Variants in PDE11A observed in about 807,000 individuals in gnomAD.
PDE11A encodes phosphodiesterase 11A, also known as dual 3',5'-cyclic-AMP and -GMP phosphodiesterase 11A.
Under a neutral mutation model 100.5 loss-of-function variants are expected in PDE11A, and 100 were observed. The ratio of observed to expected loss-of-function variants is 1.00; its 90% CI spans 0.85 to 1.18. PDE11A has a LOEUF of 1.18. PDE11A is among the 50% of genes most tolerant of loss of function. The pLI is 0.00. For missense variants in PDE11A, 1,141 were observed against 1,152.6 expected (o/e 0.99, Z 0.15); for synonymous variants, 381 against 420.8 (o/e 0.91, Z 1.16).
At chr2:177,638,062 C>T (rs866699597) in intron 19 of PDE11A, among the ~76,000 whole-genome samples, 8 of 141,100 alleles carry the variant, frequency 5.7e-5, no homozygotes, top group African/African-American at 1.1e-4. Flanking sequence ...TGCAGTGGCG[C>T]GATCTCCGCT....
intron 9 of PDE11A, among the ~76,000 whole-genome samples, chr2:177,795,459 C>T (rs931530379): frequency 6.6e-6 from 1 of 152,040 alleles, no homozygotes; most frequent in East Asian, 1.9e-4. Context: ...TTACCCGCTT[C>T]GGCTTAACTG....
chr2:177,951,083 T>G (rs2085499993), intron 2 of PDE11A, among the ~76,000 whole-genome samples: 1 of 152,240 alleles, frequency 6.6e-6, no homozygotes, highest in Admixed American at 6.5e-5. Flanking sequence ...TTTCCTGTTG[T>G]GAATCTTTTA....
intron 9 of PDE11A, among the ~76,000 whole-genome samples, chr2:177,789,821 C>T (rs1393691310): frequency 6.6e-6 from 1 of 152,102 alleles, no homozygotes; most frequent in Admixed American, 6.6e-5. Flanking sequence ...ACCTAGGAAC[C>T]CAACTTACAA....
chr2:178,101,943 T>C (rs1365641237), intron 2 of PDE11A, among the ~76,000 whole-genome samples: 1 of 152,192 alleles, frequency 6.6e-6, no homozygotes, highest in Non-Finnish European at 1.5e-5. Flanking sequence ...ATTATGTATT[T>C]ATAAATTTAT....
intron 2 of PDE11A, among the ~76,000 whole-genome samples, chr2:177,993,106 A>G (rs1293499392): frequency 6.6e-6 from 1 of 152,144 alleles, no homozygotes; most frequent in Non-Finnish European, 1.5e-5. Context: ...AAATGGGGCT[A>G]CCATTGTGGT....
intron 1 of PDE11A, among the ~76,000 whole-genome samples, chr2:178,032,483 CAAA>C (rs11357476): frequency 1.0e-4 from 13 of 128,306 alleles, no homozygotes; most frequent in Admixed American, 1.5e-4. Context: ...GACCCCATCT[CAAA>C]AAAAAAAAAA....
intron 5 of PDE11A, among the ~76,000 whole-genome samples, chr2:177,852,991 A>C (rs184028648): frequency 1.1e-4 from 17 of 152,340 alleles, no homozygotes; most frequent in Admixed American, 7.2e-4. Flanking sequence ...AATTAGAATG[A>C]TGAGATTTAT....
intron 15 of PDE11A, among the ~76,000 whole-genome samples, chr2:177,689,793 ACT>A (rs2081016103): frequency 6.6e-6 from 1 of 152,172 alleles, no homozygotes; most frequent in Non-Finnish European, 1.5e-5. Context: ...GATAAGAATT[ACT>A]CTAGATGTTG....
At chr2:177,755,541 T>C (rs987905976) in intron 10 of PDE11A, among the ~76,000 whole-genome samples, 1 of 152,212 alleles carries the variant, frequency 6.6e-6, no homozygotes, top group Admixed American at 6.5e-5. Flanking sequence ...TTTCTAGAAC[T>C]GGCCCTCCTT....
At chr2:177,789,958 T>C (rs113920285) in intron 9 of PDE11A, among the ~76,000 whole-genome samples, 48,347 of 148,918 alleles carry the variant, frequency 0.32, 8,201 homozygotes, top group African/African-American at 0.38. Context: ...AAAATGGCCA[T>C]ACTGCCCAAG....
chr2:177,662,005 C>T (rs180777377), intron 19 of PDE11A, among the ~76,000 whole-genome samples: 3 of 152,132 alleles, frequency 2.0e-5, no homozygotes, highest in African/African-American at 7.2e-5. Flanking sequence ...TGTATCTAAC[C>T]GACAGATAAG....
At chr2:178,086,896 A>G (rs888080867) in intron 2 of PDE11A, among the ~76,000 whole-genome samples, 57 of 152,330 alleles carry the variant, frequency 3.7e-4, no homozygotes, top group African/African-American at 1.4e-3. Context: ...AGTTTTCTCA[A>G]CTTTAAAATG....
intron 2 of PDE11A, among the ~76,000 whole-genome samples, chr2:177,933,059 T>A (rs569409952): frequency 8.3e-6 from 1 of 119,884 alleles, no homozygotes; most frequent in South Asian, 2.9e-4. Flanking sequence ...ATAATCCCAT[T>A]TACAATAGCC....
chr2:178,058,993 G>A (rs774712408), intron 1 of PDE11A, among the ~76,000 whole-genome samples: 1 of 152,180 alleles, frequency 6.6e-6, no homozygotes, highest in Non-Finnish European at 1.5e-5. Flanking sequence ...GTGCCAAGAA[G>A]AGTCCCCAAA....
intron 10 of PDE11A, among the ~76,000 whole-genome samples, chr2:177,731,102 G>A (rs1574087258): frequency 6.6e-6 from 1 of 152,152 alleles, no homozygotes; most frequent in Non-Finnish European, 1.5e-5. Flanking sequence ...CCATGTTAAA[G>A]CATATGACAG....
Position 177,639,229 on chromosome 2 carries a change from A to G in PDE11A, c.2647-9667T>C, listed in dbSNP as rs528132542. 4.6e-5 allele frequency among the ~76,000 whole-genome samples: 7 copies of G among 152,196 alleles called. No individual in the cohort carries two copies. In the South Asian group the frequency reaches 1.2e-3, roughly 27 times the overall value. On this transcript the variant is annotated intron_variant, in intron 19 of 19. Transcript: ENST00000286063. ...TGTTGTCTGTTGCCCATTGTCTGAA[A>G]AGTGTTGTTTCATATATTTTTCAGG...
At chr2:177,922,204 T>C (rs2085060691) in intron 2 of PDE11A, among the ~76,000 whole-genome samples, 1 of 152,174 alleles carries the variant, frequency 6.6e-6, no homozygotes, top group East Asian at 1.9e-4. Context: ...CAAGTTTATA[T>C]TTCTAACCCA....
chr2:177,985,335 A>G (rs2085927962), intron 2 of PDE11A, among the ~76,000 whole-genome samples: 1 of 152,180 alleles, frequency 6.6e-6, no homozygotes, highest in Admixed American at 6.5e-5. Flanking sequence ...GATCATTTAG[A>G]GTTCTGAATT....
In PDE11A at chr2:178,071,790, A is replaced by T; in HGVS notation, c.648T>A (p.Leu216=). Residue 216 remains leucine, a synonymous_variant, in exon 1 of 20, where the codon CTT becomes CTA. Coordinates refer to ENST00000286063, the MANE Select transcript of PDE11A (RefSeq NM_016953.4). ...LELVKDISND[L]DLTSLSYKIL... is the part of the protein sequence containing the mutation. The stretch of plus-strand genomic sequence containing the variant: ...TCTTGTAGCTCAGGCTGGTGAGGTC[A>T]AGGTCATTGGAGATATCTTTGACCA... 1.2e-6 allele frequency: 2 copies of T among 1,613,614 alleles called. No individual in the cohort carries two copies. The highest frequency in any genetic ancestry group is 1.7e-4 in the Middle Eastern group (1 of 6,060).
Sources: gnomAD v4.1 joint callset for allele counts (sites outside exome capture counted in the v4.1 genomes callset) on GRCh38, gnomAD v4.1.1 for gene constraint, MANE v1.5 for transcripts, NCBI Gene and HGNC (gene_info 2026-07-23, HGNC 2026-07-21) for gene names.